The following DMD variants were observed in gnomAD, a reference collection of about 807,000 sequenced individuals.
DMD encodes the protein mutant dystrophin.
Under a neutral mutation model 330.1 loss-of-function variants are expected in DMD, and 63 were observed. That is an observed-to-expected ratio of 0.19 (90% CI 0.16 to 0.24). The LOEUF is 0.24. Among genes scored for constraint, DMD ranks in the 10% least tolerant of loss-of-function variants. DMD has a pLI of 1.00. For missense variants in DMD, 3,344 were observed against 2,684.1 expected (o/e 1.25, Z -5.43); for synonymous variants, 1,223 against 959.8 (o/e 1.27, Z -5.07).
chrX:32,576,965 T>C (rs1416563866), intron 13 of DMD, among the ~76,000 whole-genome samples: 3 of 111,587 alleles, frequency 2.7e-5, no homozygotes, highest in African/African-American at 6.5e-5. Flanking sequence ...TATCTGGATA[T>C]GCCAAATATT....
intron 29 of DMD, among the ~76,000 whole-genome samples, chrX:32,415,034 G>C (rs1348205841): frequency 1.8e-5 from 2 of 111,776 alleles, no homozygotes; most frequent in African/African-American, 6.5e-5. Flanking sequence ...TGGATCTCTA[G>C]TGATAAAATT....
At chrX:32,500,139 C>A (rs756125878) in intron 19 of DMD, among the ~76,000 whole-genome samples, 4 of 110,524 alleles carry the variant, frequency 3.6e-5, no homozygotes, top group African/African-American at 1.3e-4. Flanking sequence ...CACCCCTACC[C>A]CCCAGTGTTC....
In DMD at chrX:32,438,292, G is replaced by C. The variant is rs780700782; in HGVS notation, c.4020C>G (p.Ile1340Met). The C allele has an allele frequency of 1.9e-5, 23 of 1,210,925 alleles. No homozygotes were observed. The highest frequency in any genetic ancestry group is 5.9e-5 in the East Asian group (2 of 33,780). Residue 1340 changes from isoleucine (I) to methionine (M), a missense_variant, in exon 29 of 79, where the codon ATC becomes ATG. Transcript: ENST00000357033. ...LTDGGVMDEL[I>M]NEELETFNSR... ...AATTAAATGTCTCAAGTTCCTCATT[G>C]ATTAGCTCATCCATGACTCCGCCAT...
chrX:33,000,056 C>T (rs1015362721), intron 2 of DMD, among the ~76,000 whole-genome samples: 9 of 112,090 alleles, frequency 8.0e-5, no homozygotes, highest in African/African-American at 2.6e-4. Context: ...GATCATGTAA[C>T]GAATTCCATA....
At chrX:32,453,878 T>A (rs767597028) in intron 26 of DMD, among the ~76,000 whole-genome samples, 3 of 111,320 alleles carry the variant, frequency 2.7e-5, no homozygotes, top group Non-Finnish European at 5.7e-5. Flanking sequence ...CTCTAAGTTC[T>A]TGCTAGCACA....
At chrX:31,603,305 A>C (rs1307979724) in intron 55 of DMD, among the ~76,000 whole-genome samples, 7 of 111,581 alleles carry the variant, frequency 6.3e-5, no homozygotes, top group African/African-American at 2.3e-4. Flanking sequence ...TGTGCAGCAA[A>C]ATGGACTGAT....
At chrX:32,301,122 A>G (rs775831495) in intron 42 of DMD, among the ~76,000 whole-genome samples, 1 of 106,801 alleles carries the variant, frequency 9.4e-6, no homozygotes, top group Non-Finnish European at 1.9e-5. Flanking sequence ...AATACTTCTG[A>G]TGTTGGGGAA....
intron 67 of DMD, among the ~76,000 whole-genome samples, chrX:31,191,503 T>C (rs1273401225): frequency 2.7e-5 from 3 of 110,553 alleles, no homozygotes; most frequent in African/African-American, 9.9e-5. Context: ...GTGATTGACT[T>C]ATGGGGGTTG....
intron 50 of DMD, among the ~76,000 whole-genome samples, chrX:31,814,482 C>CAAAAAAAAAAA (rs151208391): frequency 1.0e-4 from 3 of 28,990 alleles, no homozygotes; most frequent in Non-Finnish European, 1.7e-4. Flanking sequence ...GACTCCGTCT[C>CAAAAAAAAAAA]AAAAAAAAAA....
intron 54 of DMD, among the ~76,000 whole-genome samples, chrX:31,657,252 T>G (rs1304730038): frequency 8.9e-6 from 1 of 112,079 alleles, no homozygotes; most frequent in East Asian, 2.8e-4. Flanking sequence ...AAACATTTAC[T>G]AGCTCCCTAT....
At position 32,833,905 on chromosome X, in the gene DMD, G is replaced by C. The variant is rs190195397; in HGVS notation, c.265-10518C>G. On this transcript the variant is annotated intron_variant, in intron 4 of 78. Coordinates refer to ENST00000357033, the MANE Select transcript of DMD (RefSeq NM_004006.3). ...AATACTAATTTCCCTTAAAGCAAGA[G>C]GTATACTAAGGGGGATGGGAAGAAT... is the stretch of plus-strand genomic sequence containing the variant. Among the ~76,000 whole-genome samples, 7 of 110,173 alleles carry C rather than the reference G, an allele frequency of 6.4e-5. No homozygotes were observed. The Admixed American group carries it at 6.8e-4, about 11-fold the overall frequency.
intron 63 of DMD, among the ~76,000 whole-genome samples, chrX:31,257,941 T>C (rs1234790432): frequency 5.4e-5 from 6 of 111,384 alleles, no homozygotes; most frequent in African/African-American, 2.0e-4. Context: ...AGTGAGAATC[T>C]GTCTCAAAAA....
At chrX:33,283,582 T>C (rs1370991152) in intron 1 of DMD, among the ~76,000 whole-genome samples, 1 of 110,022 alleles carries the variant, frequency 9.1e-6, no homozygotes, top group East Asian at 2.9e-4. Context: ...ATGACTGTAC[T>C]AGGTATGTTC....
intron 44 of DMD, among the ~76,000 whole-genome samples, chrX:32,021,851 T>C (rs1311984361): frequency 1.8e-5 from 2 of 111,806 alleles, no homozygotes; most frequent in Non-Finnish European, 3.8e-5. Flanking sequence ...TATATTTCCA[T>C]TGGACAACAC....
At chrX:32,093,158 T>C (rs1348335297) in intron 44 of DMD, among the ~76,000 whole-genome samples, 4 of 112,490 alleles carry the variant, frequency 3.6e-5, no homozygotes, top group African/African-American at 1.3e-4. Context: ...TTTAAATCTA[T>C]AACTCAATAC....
intron 44 of DMD, among the ~76,000 whole-genome samples, chrX:32,125,071 C>A (rs1457634494): frequency 2.7e-5 from 3 of 110,288 alleles, no homozygotes; most frequent in African/African-American, 6.6e-5. Context: ...CTATGCAAAG[C>A]TTTGCACACC....
In DMD at chrX:32,737,428, G is replaced by A. The variant is rs971660739; in HGVS notation, c.650-38135C>T. On this transcript the variant is annotated intron_variant, in intron 7 of 78. Transcript: ENST00000357033. ...CCCCAATGTTTTTACTACAATGCTG[G>A]TAGACCACAGCCAGTCTGTCTTGCT... Among the ~76,000 whole-genome samples the A allele has an allele frequency of 5.4e-5, 6 of 110,181 alleles. No individual in the cohort carries two copies. The South Asian group carries it at 1.6e-3, about 29-fold the overall frequency.
intron 2 of DMD, among the ~76,000 whole-genome samples, chrX:32,868,919 G>A (rs780606191): frequency 4.5e-5 from 5 of 111,833 alleles, no homozygotes; most frequent in Non-Finnish European, 7.5e-5. Context: ...TCCTTAAGTG[G>A]GTCCTGGATC....
intron 2 of DMD, among the ~76,000 whole-genome samples, chrX:32,850,370 G>A (rs989123531): frequency 8.9e-6 from 1 of 111,929 alleles, no homozygotes; most frequent in Non-Finnish European, 1.9e-5. Context: ...AACCCTGTGA[G>A]AGCTTTTCAT....
Sources: allele counts gnomAD v4.1 joint callset (sites outside exome capture counted in the v4.1 genomes callset), GRCh38; gene constraint gnomAD v4.1.1; transcripts MANE v1.5; gene names NCBI Gene and HGNC (gene_info 2026-07-23, HGNC 2026-07-21).